CTNNA2: variants seen among roughly 807,000 people sequenced by gnomAD.
CTNNA2 encodes the protein catenin alpha-2.
Under a neutral mutation model 101.0 loss-of-function variants are expected in CTNNA2, and 42 were observed. That is an observed-to-expected ratio of 0.42 (90% CI 0.32 to 0.54). The LOEUF (loss-of-function observed/expected upper bound fraction) is 0.54, where lower values mean the gene tolerates loss of function less well. CTNNA2 is among the 20% of genes least tolerant of loss of function. CTNNA2 has a pLI of 0.14. For missense variants in CTNNA2, 871 were observed against 1,223.1 expected, an observed-to-expected ratio of 0.71 and a Z score of 4.29; for synonymous variants, 450 against 456.4, an observed-to-expected ratio of 0.99 and a Z score of 0.18.
intron 1 of CTNNA2, among the ~76,000 whole-genome samples, chr2:79,518,019 T>C (rs1307763694): frequency 1.3e-5 from 2 of 152,160 alleles, no homozygotes; most frequent in African/African-American, 4.8e-5. Flanking sequence ...TCTTTTGAGC[T>C]GAAGGATGTA....
At chr2:80,158,937 C>A (rs1024368537) in intron 7 of CTNNA2, among the ~76,000 whole-genome samples, 7 of 151,352 alleles carry the variant, frequency 4.6e-5, no homozygotes, top group Admixed American at 4.6e-4. Flanking sequence ...GAATGTCATA[C>A]AAATGGAACC....
intron 16 of CTNNA2, among the ~76,000 whole-genome samples, chr2:80,604,872 T>A (rs1366410977): frequency 6.6e-6 from 1 of 151,850 alleles, no homozygotes. Flanking sequence ...CATTTGGAGA[T>A]CAAAGGGCAG....
At chr2:80,155,100 C>A (rs936998017) in intron 7 of CTNNA2, among the ~76,000 whole-genome samples, 1 of 152,192 alleles carries the variant, frequency 6.6e-6, no homozygotes, top group African/African-American at 2.4e-5. Context: ...CCCATATCTG[C>A]TTCTGCATTT....
At chr2:79,753,439 T>G (rs1324942793) in intron 3 of CTNNA2, among the ~76,000 whole-genome samples, 2 of 152,158 alleles carry the variant, frequency 1.3e-5, no homozygotes, top group Non-Finnish European at 2.9e-5. Flanking sequence ...CCATAGGACT[T>G]ATAGAGAATC....
At chr2:80,230,479 G>A (rs182086489) in intron 7 of CTNNA2, among the ~76,000 whole-genome samples, 11 of 151,874 alleles carry the variant, frequency 7.2e-5, no homozygotes, top group Admixed American at 2.0e-4. Flanking sequence ...TCATGTCTCT[G>A]GATTCATCTA....
intron 7 of CTNNA2, among the ~76,000 whole-genome samples, chr2:80,347,162 T>C (rs886101419): frequency 4.6e-5 from 7 of 152,232 alleles, no homozygotes; most frequent in African/African-American, 1.7e-4. Flanking sequence ...TTCAGCGCTC[T>C]GCCCCTACTA....
intron 3 of CTNNA2, among the ~76,000 whole-genome samples, chr2:79,847,966 T>C (rs1050149204): frequency 2.6e-5 from 4 of 152,210 alleles, no homozygotes; most frequent in Admixed American, 6.5e-5. Context: ...TACCAAGTAC[T>C]GTAGCAGGGT....
At chr2:80,348,662 T>A (rs1014176974) in intron 7 of CTNNA2, among the ~76,000 whole-genome samples, 1 of 152,174 alleles carries the variant, frequency 6.6e-6, no homozygotes, top group Non-Finnish European at 1.5e-5. Context: ...TTATGCAGTG[T>A]ACACATAGAC....
At chr2:80,028,105 A>G (rs555267964) in intron 7 of CTNNA2, 37 of 152,196 alleles carry the variant, frequency 2.4e-4, no homozygotes, top group African/African-American at 8.7e-4. Context: ...AGATAAAACT[A>G]TTTACTGAAA....
At chr2:79,372,370 G>A (rs1042370214) in intron 3 of CTNNA2, among the ~76,000 whole-genome samples, 5 of 152,084 alleles carry the variant, frequency 3.3e-5, no homozygotes, top group Admixed American at 6.5e-5. Flanking sequence ...TTAACCCTGC[G>A]CTCCAGGAAT....
chr2:79,414,871 G>T (rs536249403), intron 4 of CTNNA2, among the ~76,000 whole-genome samples: 78 of 152,040 alleles, frequency 5.1e-4, no homozygotes, highest in Non-Finnish European at 1.0e-3. Context: ...TGTACCATAC[G>T]AATGGCCATA....
chr2:79,923,514 T>C (rs1226382192), intron 7 of CTNNA2, among the ~76,000 whole-genome samples: 1 of 152,194 alleles, frequency 6.6e-6, no homozygotes, highest in Admixed American at 6.5e-5. Flanking sequence ...GATATGTGTA[T>C]AAATTCTAGA....
intron 7 of CTNNA2, among the ~76,000 whole-genome samples, chr2:80,350,701 A>G (rs115500363): frequency 0.015 from 2,356 of 152,272 alleles, 37 homozygotes; most frequent in African/African-American, 0.029. Context: ...CTTGGAGCCA[A>G]TTTGAACTCT....
chr2:80,068,236 G>T (rs1051061932), intron 7 of CTNNA2, among the ~76,000 whole-genome samples: 3 of 152,160 alleles, frequency 2.0e-5, no homozygotes, highest in Admixed American at 6.5e-5. Flanking sequence ...TTGCTTATAA[G>T]CACAGTACTG....
chr2:80,342,756 A>G (rs945624080), intron 7 of CTNNA2, among the ~76,000 whole-genome samples: 2 of 152,132 alleles, frequency 1.3e-5, no homozygotes, highest in African/African-American at 2.4e-5. Context: ...CCTCAATTCT[A>G]TTTACTAAAT....
chr2:79,305,432 A>T (rs751162577), intron 2 of CTNNA2, among the ~76,000 whole-genome samples: 8 of 150,212 alleles, frequency 5.3e-5, no homozygotes, highest in Non-Finnish European at 1.2e-4. Context: ...ACAGATGCAG[A>T]TTTGATCCTG....
intron 7 of CTNNA2, among the ~76,000 whole-genome samples, chr2:80,328,716 T>A (rs1671046422): frequency 6.6e-6 from 1 of 152,244 alleles, no homozygotes; most frequent in Non-Finnish European, 1.5e-5. Flanking sequence ...TTGATGACAG[T>A]CATGCTTCCA....
chr2:79,974,685 C>G (rs1690714230), intron 7 of CTNNA2, among the ~76,000 whole-genome samples: 2 of 152,072 alleles, frequency 1.3e-5, no homozygotes, highest in African/African-American at 2.4e-5. Flanking sequence ...CTCTTCTAGG[C>G]AAAAGCTGAA....
intron 3 of CTNNA2, among the ~76,000 whole-genome samples, chr2:79,351,436 AT>A (rs1332343076): frequency 6.6e-6 from 1 of 152,050 alleles, no homozygotes; most frequent in African/African-American, 2.4e-5. Flanking sequence ...GTATGTATTT[AT>A]TTAACTTTTA....
Sources: gnomAD v4.1 joint callset for allele counts (sites outside exome capture counted in the v4.1 genomes callset) on GRCh38, gnomAD v4.1.1 for gene constraint, MANE v1.5 for transcripts, NCBI Gene and HGNC (gene_info 2026-07-23, HGNC 2026-07-21) for gene names.